BMERB1: variants seen among roughly 807,000 people sequenced by gnomAD.
BMERB1 encodes the protein bMERB domain containing 1.
A neutral mutation model predicts 23.6 loss-of-function variants in BMERB1; 12 were observed. The observed-to-expected ratio is 0.51, with a 90% CI of 0.33 to 0.82. The LOEUF (loss-of-function observed/expected upper bound fraction) is 0.82, where lower values mean the gene tolerates loss of function less well. Among genes scored for constraint, BMERB1 ranks in the 40% least tolerant of loss-of-function variants. BMERB1 has a pLI of 0.03. For synonymous variants in BMERB1, 122 were observed against 96.6 expected, an observed-to-expected ratio of 1.26 and a Z score of -1.54; for missense variants, 247 against 255.4, an observed-to-expected ratio of 0.97 and a Z score of 0.22.
At chr16:15,504,641 TG>T (rs2051565463) in intron 1 of BMERB1, among the ~76,000 whole-genome samples, 1 of 151,924 alleles carries the variant, frequency 6.6e-6, no homozygotes, top group Non-Finnish European at 1.5e-5. Flanking sequence ...TTTGTAGAGA[TG>T]GGGTCTTGCT....
chr16:15,437,505 T>C (rs1253050263), intron 1 of BMERB1, among the ~76,000 whole-genome samples: 1 of 152,226 alleles, frequency 6.6e-6, no homozygotes, highest in Non-Finnish European at 1.5e-5. Flanking sequence ...TATGTAAATA[T>C]TGGTCAATTC....
At chr16:15,549,856 C>A (rs1173831476) in intron 2 of BMERB1, among the ~76,000 whole-genome samples, 2 of 152,176 alleles carry the variant, frequency 1.3e-5, no homozygotes, top group African/African-American at 4.8e-5. Context: ...TTTTTTCTTA[C>A]ACTTTCCACA....
At chr16:15,493,038 A>G (rs1348477596) in intron 1 of BMERB1, among the ~76,000 whole-genome samples, 1 of 152,104 alleles carries the variant, frequency 6.6e-6, no homozygotes, top group Non-Finnish European at 1.5e-5. Context: ...GTATTCCACT[A>G]CAAAATACCT....
intron 1 of BMERB1, among the ~76,000 whole-genome samples, chr16:15,435,162 C>T (rs2050877292): frequency 6.6e-6 from 1 of 152,222 alleles, no homozygotes; most frequent in Non-Finnish European, 1.5e-5. Context: ...GCCCACGTCC[C>T]TGGAGAGGGG....
At chr16:15,447,943 G>T in intron 1 of BMERB1, 1 of 455,616 alleles carries the variant, frequency 2.2e-6, no homozygotes, top group Non-Finnish European at 4.4e-6. Context: ...AGGCTAGAGT[G>T]CAGTGGCGTG....
In BMERB1 at chr16:15,533,716, A is replaced by G. The variant is rs80296622; in HGVS notation, c.230+18288A>G. On this transcript the variant is annotated intron_variant, in intron 2 of 5. Coordinates refer to ENST00000300006, the MANE Select transcript of BMERB1 (RefSeq NM_033201.3). ...ATAAGCAGAGAAAGCCAGTCTTTGA[A>G]GGGAAAGAGGACAGAGCGTCTGCCT... Among the ~76,000 whole-genome samples the G allele has an allele frequency of 2.2e-3, 332 of 152,302 alleles. 4 individuals carry two copies. The East Asian group carries it at 0.039, about 18-fold the overall frequency.
intron 1 of BMERB1, among the ~76,000 whole-genome samples, chr16:15,498,398 C>T (rs1285327809): frequency 6.6e-6 from 1 of 151,984 alleles, no homozygotes; most frequent in South Asian, 2.1e-4. Context: ...ATGGTGCACA[C>T]CTGTAGTCCC....
chr16:15,524,111 G>A (rs1441776199), intron 2 of BMERB1, among the ~76,000 whole-genome samples: 2 of 152,180 alleles, frequency 1.3e-5, no homozygotes, highest in African/African-American at 4.8e-5. Flanking sequence ...AAGCATGTGC[G>A]TTTATGTAAC....
chr16:15,505,296 A>T (rs2051575799), intron 1 of BMERB1, among the ~76,000 whole-genome samples: 1 of 152,236 alleles, frequency 6.6e-6, no homozygotes, highest in Admixed American at 6.5e-5. Context: ...ATTTCCCTTC[A>T]GGAAAGCTAC....
At chr16:15,529,015 G>GTATTTGTT (rs2051939664) in intron 2 of BMERB1, among the ~76,000 whole-genome samples, 1 of 151,500 alleles carries the variant, frequency 6.6e-6, no homozygotes, top group African/African-American at 2.4e-5. Flanking sequence ...TGAAAAATAA[G>GTATTTGTT]TGTTTGTTTG....
intron 2 of BMERB1, among the ~76,000 whole-genome samples, chr16:15,524,171 A>C (rs1207785761): frequency 6.6e-6 from 1 of 152,206 alleles, no homozygotes; most frequent in Non-Finnish European, 1.5e-5. Context: ...TTAGTTGCAC[A>C]CAGGGTTTTA....
At chr16:15,561,606 G>C (rs1309357212) in intron 2 of BMERB1, among the ~76,000 whole-genome samples, 1 of 152,020 alleles carries the variant, frequency 6.6e-6, no homozygotes, top group Non-Finnish European at 1.5e-5. Context: ...GATAATAATA[G>C]TAAAGGCCAA....
intron 1 of BMERB1, among the ~76,000 whole-genome samples, chr16:15,493,060 C>G (rs530653630): frequency 6.6e-6 from 1 of 152,026 alleles, no homozygotes; most frequent in East Asian, 1.9e-4. Context: ...TGCAGTACCC[C>G]TTAAAACTGT....
At chr16:15,553,888 TC>T (rs1463672315) in intron 2 of BMERB1, among the ~76,000 whole-genome samples, 1 of 152,098 alleles carries the variant, frequency 6.6e-6, no homozygotes, top group African/African-American at 2.4e-5. Flanking sequence ...CACCATGTCT[TC>T]CAAACTGGGT....
intron 2 of BMERB1, among the ~76,000 whole-genome samples, chr16:15,530,938 G>A (rs974599143): frequency 4.7e-5 from 6 of 126,336 alleles, no homozygotes; most frequent in East Asian, 2.4e-4. Context: ...ACGGAGTCTC[G>A]CACTGTCACT....
chr16:15,524,891 C>T (rs1313632149), intron 2 of BMERB1, among the ~76,000 whole-genome samples: 3 of 152,142 alleles, frequency 2.0e-5, no homozygotes, highest in Non-Finnish European at 1.5e-5. Flanking sequence ...TTCCGTCTTC[C>T]TAGAACTGTA....
chr16:15,471,238 T>C (rs1415651294), intron 1 of BMERB1, among the ~76,000 whole-genome samples: 2 of 151,844 alleles, frequency 1.3e-5, no homozygotes, highest in Non-Finnish European at 2.9e-5. Context: ...TAGAGATTCA[T>C]TTTTTTTGGC....
chr16:15,513,268 T>G (rs1482228968), intron 1 of BMERB1, among the ~76,000 whole-genome samples: 1 of 152,212 alleles, frequency 6.6e-6, no homozygotes, highest in Non-Finnish European at 1.5e-5. Context: ...TTACATTTTT[T>G]TCCTCATGAT....
chr16:15,526,411 A>AT (rs1312752492), intron 2 of BMERB1, among the ~76,000 whole-genome samples: 2 of 152,184 alleles, frequency 1.3e-5, no homozygotes, highest in African/African-American at 4.8e-5. Context: ...CACGCCTCTA[A>AT]TCCCAGCACT....
Sources: gnomAD v4.1 joint callset for allele counts (sites outside exome capture counted in the v4.1 genomes callset) on GRCh38, gnomAD v4.1.1 for gene constraint, MANE v1.5 for transcripts, NCBI Gene and HGNC (gene_info 2026-07-23, HGNC 2026-07-21) for gene names.